PUS7: variants seen among roughly 807,000 people sequenced by gnomAD.
PUS7 encodes pseudouridine synthase 7, also known as pseudouridylate synthase 7 homolog.
PUS7 carries 48 observed loss-of-function variants against 79.8 expected under a neutral mutation model. That is an observed-to-expected ratio of 0.60 (90% CI 0.48 to 0.76). The LOEUF (loss-of-function observed/expected upper bound fraction) is 0.76, where lower values mean the gene tolerates loss of function less well. PUS7 is among the 30% of genes least tolerant of loss of function. The probability of loss-of-function intolerance (pLI) is 0.00; values close to 1 mark genes in which losing one functional copy is unlikely to be tolerated. For missense variants in PUS7, 729 were observed against 797.6 expected, an observed-to-expected ratio of 0.91 and a Z score of 1.04; for synonymous variants, 286 against 272.2, an observed-to-expected ratio of 1.05 and a Z score of -0.50.
Position 105,465,415 on chromosome 7 carries a change from C to T in PUS7, c.1526-1G>A. The T allele has an allele frequency of 6.3e-7, 1 of 1,596,286 alleles. No individual in the cohort carries two copies. The highest frequency in any genetic ancestry group is 8.6e-7 in the Non-Finnish European group (1 of 1,166,078). On this transcript the variant is annotated splice_acceptor_variant, in intron 12 of 15. Transcript: ENST00000469408. LOFTEE classifies it high-confidence loss of function. ...TCTTCCTCAATATAGGTGGCTGTGGCTGTAAATTCACAAGTGAACAATAAA... is the reference window on the plus strand; with the variant it reads ...TCTTCCTCAATATAGGTGGCTGTGGTTGTAAATTCACAAGTGAACAATAAA...
intron 2 of PUS7, among the ~76,000 whole-genome samples, chr7:105,507,203 G>A (rs560900103): frequency 3.3e-5 from 5 of 151,850 alleles, no homozygotes; most frequent in East Asian, 3.9e-4. Context: ...GTGCCACTAC[G>A]CCAGGCTAAT....
intron 7 of PUS7, among the ~76,000 whole-genome samples, chr7:105,485,899 A>T (rs1824526373): frequency 6.6e-6 from 1 of 151,814 alleles, no homozygotes; most frequent in Admixed American, 6.6e-5. Context: ...GGGCTTACAA[A>T]GTCTCCAGCC....
intron 2 of PUS7, 115 bp downstream of exon 2, chr7:105,508,000 G>A: frequency 3.0e-6 from 4 of 1,342,676 alleles, no homozygotes; most frequent in Non-Finnish European, 2.0e-6. Context: ...CTTTTGATCA[G>A]TAGTATAAAC....
At chr7:105,516,073 T>C (rs1254713917) in intron 1 of PUS7, among the ~76,000 whole-genome samples, 2 of 151,900 alleles carry the variant, frequency 1.3e-5, no homozygotes, top group Non-Finnish European at 2.9e-5. Flanking sequence ...ACTTGTAAAG[T>C]GCTGGGATTA....
At position 105,470,514 on chromosome 7, in the gene PUS7, AACATCACC is replaced by A. The variant is rs1399319869; in HGVS notation, c.1398+166_1398+173del. 3 of 597,624 alleles carry A rather than the reference AACATCACC, an allele frequency of 5.0e-6. No individual in the cohort carries two copies. The African/African-American group carries it at 5.6e-5, about 11-fold the overall frequency. The allele number at this position is 597,624 out of a possible 1,614,324, so 37.0% of individuals were successfully genotyped here. ...ATAAGTAATGCCCGCATCCACCCCCAACATCACCACTCAGGGTCTGAACAAAGACTACT... is the reference window on the plus strand; with the variant it reads ...ATAAGTAATGCCCGCATCCACCCCCAACTCAGGGTCTGAACAAAGACTACT... On this transcript the variant is annotated intron_variant, in intron 11 of 15. Coordinates refer to ENST00000469408, the MANE Select transcript of PUS7 (RefSeq NM_019042.5).
chr7:105,458,571 A>ATTT (rs1184288709), intron 15 of PUS7, among the ~76,000 whole-genome samples: 2 of 124,888 alleles, frequency 1.6e-5, no homozygotes, highest in Non-Finnish European at 3.4e-5. Flanking sequence ...CCAGCCACCA[A>ATTT]TTTTTTTTTT....
chr7:105,458,184 G>T (rs1214969879), intron 15 of PUS7, among the ~76,000 whole-genome samples: 1 of 152,080 alleles, frequency 6.6e-6, no homozygotes, highest in African/African-American at 2.4e-5. Flanking sequence ...CGCATGTAAA[G>T]TTAAAGAAAT....
Position 105,508,108 on chromosome 7 carries a change from A to C in PUS7, c.398+7T>G. 6.2e-7 allele frequency: 1 copy of C among 1,606,048 alleles called. No individual in the cohort carries two copies. The highest frequency in any genetic ancestry group is 1.7e-5 in the Admixed American group (1 of 58,696). On this transcript the variant is annotated splice_region_variant and intron_variant, in intron 2 of 15. Transcript: ENST00000469408. ...TCAAAATAACTTTATTCATAAACTA[A>C]ATGTACCTTTCTTTTAAGATTCCCG...
chr7:105,478,987 T>C (rs1824213554), intron 9 of PUS7, among the ~76,000 whole-genome samples: 1 of 152,200 alleles, frequency 6.6e-6, no homozygotes, highest in Non-Finnish European at 1.5e-5. Flanking sequence ...TAATTACAAA[T>C]TTACAGGTTG....
chr7:105,515,280 C>G (rs1006725891), intron 1 of PUS7, among the ~76,000 whole-genome samples: 2 of 152,120 alleles, frequency 1.3e-5, no homozygotes, highest in African/African-American at 2.4e-5. Context: ...AAACCCTGTA[C>G]GAAAAATGTT....
At position 105,502,345 on chromosome 7, in the gene PUS7, C is replaced by T. The variant is rs1009003325; in HGVS notation, c.730+75G>A. On this transcript the variant is annotated intron_variant, in intron 5 of 15. Coordinates refer to ENST00000469408, the MANE Select transcript of PUS7 (RefSeq NM_019042.5). The stretch of plus-strand genomic sequence containing the variant: ...CACTATAGTAGCCCTTGAACACGAA[C>T]GGGCAAGGCTAACGAGGAGCGGGGC... 8.4e-6 allele frequency: 13 copies of T among 1,550,516 alleles called. No individual in the cohort carries two copies. The East Asian group carries it at 2.2e-4, about 27-fold the overall frequency.
At chr7:105,476,726 C>G (rs1209909231) in intron 9 of PUS7, among the ~76,000 whole-genome samples, 1 of 152,204 alleles carries the variant, frequency 6.6e-6, no homozygotes, top group African/African-American at 2.4e-5. Context: ...TCCCCACCAG[C>G]AAAGCCCAGG....
chr7:105,496,960 C>T, intron 5 of PUS7: 1 of 1,219,192 alleles, frequency 8.2e-7, no homozygotes, highest in Admixed American at 2.4e-5. Context: ...TTACCTGCTG[C>T]AGTTCTGACC....
intron 12 of PUS7, among the ~76,000 whole-genome samples, chr7:105,467,826 C>T (rs956680701): frequency 1.3e-5 from 2 of 151,754 alleles, no homozygotes; most frequent in Non-Finnish European, 2.9e-5. Context: ...GTGGGGAGTT[C>T]GAGATCGAGG....
chr7:105,497,579 C>T (rs963370296), intron 5 of PUS7, among the ~76,000 whole-genome samples: 17 of 152,082 alleles, frequency 1.1e-4, no homozygotes, highest in Non-Finnish European at 2.1e-4. Flanking sequence ...ATTCTTTGAA[C>T]AAGCCATCTG....
intron 5 of PUS7, among the ~76,000 whole-genome samples, chr7:105,498,145 T>C (rs560245788): frequency 6.6e-6 from 1 of 152,212 alleles, no homozygotes; most frequent in African/African-American, 2.4e-5. Context: ...TGCATACAAT[T>C]ATCTCCTTTG....
At chr7:105,521,652 G>A (rs1282464854) in intron 1 of PUS7, among the ~76,000 whole-genome samples, 1 of 152,220 alleles carries the variant, frequency 6.6e-6, no homozygotes, top group Admixed American at 6.5e-5. Context: ...AAGGGCTTCA[G>A]GGCCAGTGTT....
intron 1 of PUS7, among the ~76,000 whole-genome samples, chr7:105,512,302 A>G (rs1390174838): frequency 6.6e-6 from 1 of 152,190 alleles, no homozygotes; most frequent in Non-Finnish European, 1.5e-5. Flanking sequence ...CTTTGTCCTG[A>G]ACAGGTGTAG....
At chr7:105,459,970 G>A (rs1047929045) in intron 14 of PUS7, among the ~76,000 whole-genome samples, 2 of 151,952 alleles carry the variant, frequency 1.3e-5, no homozygotes, top group African/African-American at 4.8e-5. Flanking sequence ...ACGGAGTCTC[G>A]CTCTGTCGCC....
Sources: gnomAD v4.1 joint callset for allele counts (sites outside exome capture counted in the v4.1 genomes callset) on GRCh38, gnomAD v4.1.1 for gene constraint, MANE v1.5 for transcripts, NCBI Gene and HGNC (gene_info 2026-07-23, HGNC 2026-07-21) for gene names.